Variants in RGS6 observed in about 807,000 individuals in gnomAD.
RGS6 encodes regulator of G protein signaling 6, also known as regulator of G-protein signaling 6.
In RGS6, 30 loss-of-function variants were observed where a neutral mutation model predicts 78.5. That is an observed-to-expected ratio of 0.38 (90% CI 0.29 to 0.52). RGS6 has a LOEUF of 0.52. Ranked by LOEUF, RGS6 falls within the 20% of genes least tolerant of loss-of-function variation. The probability of loss-of-function intolerance (pLI) is 0.85; values close to 1 mark genes in which losing one functional copy is unlikely to be tolerated. For synonymous variants in RGS6, 206 were observed against 206.0 expected (o/e 1.00, Z 0.00); for missense variants, 495 against 609.7 (o/e 0.81, Z 1.98).
intron 3 of RGS6, among the ~76,000 whole-genome samples, chr14:72,437,259 T>C (rs2094963935): frequency 6.8e-6 from 1 of 147,440 alleles, no homozygotes. Context: ...GAGAATCGCT[T>C]GAACCCAGGA....
At chr14:72,596,785 G>C in the RGS6 span, among the ~76,000 whole-genome samples, 1 of 152,176 alleles carries the variant, frequency 6.6e-6, no homozygotes, top group Non-Finnish European at 1.5e-5. Context: ...CTGTTAAACA[G>C]AAGTTATTAT....
chr14:71,890,358 C>CAGAGAG, the RGS6 span, among the ~76,000 whole-genome samples: 49,662 of 132,882 alleles, frequency 0.37, 10,495 homozygotes, highest in Middle Eastern at 0.5. Flanking sequence ...GTGCATAAGA[C>CAGAGAG]AGAGAGAGAG....
chr14:72,290,293 A>G (rs2063357587), intron 2 of RGS6, among the ~76,000 whole-genome samples: 1 of 152,124 alleles, frequency 6.6e-6, no homozygotes, highest in African/African-American at 2.4e-5. Context: ...TCCCATTTTC[A>G]TATCACCTCC....
intron 3 of RGS6, among the ~76,000 whole-genome samples, chr14:72,368,770 TA>T (rs1566645365): frequency 1.3e-5 from 2 of 152,200 alleles, no homozygotes. Flanking sequence ...GGAAGAACTT[TA>T]AAAATGCCTC....
chr14:72,017,387 TCTTTTC>T (rs928692027), intron 2 of RGS6, among the ~76,000 whole-genome samples: 1 of 152,202 alleles, frequency 6.6e-6, no homozygotes, highest in African/African-American at 2.4e-5. Context: ...TAATGACAGG[TCTTTTC>T]CTTTTCATGT....
rs1595406438 is a variant in RGS6 at position 72,292,489 on chromosome 14, G to T, written c.85-59606G>T. On this transcript the variant is annotated intron_variant, in intron 2 of 17. Coordinates refer to ENST00000553525, the MANE Select transcript of RGS6 (RefSeq NM_001204424.2). Reference sequence around the variant, plus strand: ...AGACTTAGAATTACTCATATCTGCAGACTAGAGGGAAATGAGTTGGTCCTG... The same window carrying T: ...AGACTTAGAATTACTCATATCTGCATACTAGAGGGAAATGAGTTGGTCCTG... Among the ~76,000 whole-genome samples, 4 of 152,364 alleles carry T rather than the reference G, an allele frequency of 2.6e-5. No individual in the cohort carries two copies. In the East Asian group the frequency reaches 7.7e-4, roughly 29 times the overall value.
chr14:72,196,271 C>T (rs2040117192), intron 2 of RGS6, among the ~76,000 whole-genome samples: 3 of 152,108 alleles, frequency 2.0e-5, no homozygotes, highest in Non-Finnish European at 4.4e-5. Context: ...TGGGTTTTTG[C>T]TGGGAGATGG....
chr14:72,172,224 T>C (rs1442235649), intron 2 of RGS6, among the ~76,000 whole-genome samples: 1 of 151,680 alleles, frequency 6.6e-6, no homozygotes, highest in African/African-American at 2.4e-5. Flanking sequence ...TGAACTCTTT[T>C]AGATTTCCAT....
At chr14:72,260,130 T>C (rs2057873816) in intron 2 of RGS6, among the ~76,000 whole-genome samples, 3 of 152,166 alleles carry the variant, frequency 2.0e-5, no homozygotes, top group Admixed American at 2.0e-4. Context: ...ATGTTTTAAG[T>C]ATGCTTTTAA....
intron 2 of RGS6, among the ~76,000 whole-genome samples, chr14:72,331,209 G>C (rs554511617): frequency 5.4e-5 from 8 of 146,890 alleles, no homozygotes; most frequent in African/African-American, 2.1e-4. Context: ...GCCTGCTGTC[G>C]TAAATCATCA....
At chr14:72,151,653 G>A (rs1392117579) in intron 2 of RGS6, among the ~76,000 whole-genome samples, 1 of 152,166 alleles carries the variant, frequency 6.6e-6, no homozygotes, top group Non-Finnish European at 1.5e-5. Context: ...CACGTGTAGG[G>A]GAGGAGAGTG....
At chr14:71,962,720 T>A (rs906967962) in intron 1 of RGS6, among the ~76,000 whole-genome samples, 2 of 152,242 alleles carry the variant, frequency 1.3e-5, no homozygotes, top group Non-Finnish European at 2.9e-5. Flanking sequence ...AAAAACATTG[T>A]AATTTATAAA....
the RGS6 span, among the ~76,000 whole-genome samples, chr14:72,624,502 C>T: frequency 4.6e-5 from 7 of 152,046 alleles, no homozygotes; most frequent in African/African-American, 1.7e-4. Context: ...CCATGCCTGG[C>T]TAATTTTTGT....
chr14:72,020,559 A>AATT (rs928959415), intron 2 of RGS6, among the ~76,000 whole-genome samples: 8 of 50,144 alleles, frequency 1.6e-4, no homozygotes, highest in African/African-American at 4.5e-4. Context: ...CTGCTCTGTG[A>AATT]ATTCTTCTTC....
the RGS6 span, among the ~76,000 whole-genome samples, chr14:72,596,357 C>A: frequency 6.6e-6 from 1 of 152,144 alleles, no homozygotes; most frequent in African/African-American, 2.4e-5. Context: ...TATGTTGGAC[C>A]CACCTGTATA....
downstream of RGS6, among the ~76,000 whole-genome samples, chr14:72,570,872 C>A (rs1240114229): frequency 3.9e-5 from 6 of 152,150 alleles, no homozygotes; most frequent in South Asian, 4.1e-4. Flanking sequence ...TGATCCATTG[C>A]ATTTATTGTC....
intron 2 of RGS6, among the ~76,000 whole-genome samples, chr14:72,001,666 T>C (rs1012228113): frequency 2.0e-5 from 3 of 152,082 alleles, no homozygotes; most frequent in Admixed American, 6.6e-5. Flanking sequence ...CATAATACAA[T>C]CATCTGAGTC....
the RGS6 span, among the ~76,000 whole-genome samples, chr14:72,593,032 A>G: frequency 6.6e-6 from 1 of 152,164 alleles, no homozygotes; most frequent in Admixed American, 6.5e-5. Context: ...AATCCTCAGC[A>G]AAGAAAAGCT....
chr14:72,199,409 A>C (rs2238243), intron 2 of RGS6, among the ~76,000 whole-genome samples: 62,491 of 152,136 alleles, frequency 0.41, 13,512 homozygotes, highest in Middle Eastern at 0.57. Context: ...ACATTGATGC[A>C]ACATTGCAAT....
Sources: allele counts gnomAD v4.1 joint callset (sites outside exome capture counted in the v4.1 genomes callset), GRCh38; gene constraint gnomAD v4.1.1; transcripts MANE v1.5; gene names NCBI Gene and HGNC (gene_info 2026-07-23, HGNC 2026-07-21).